Variants in TPTE observed in about 807,000 individuals in gnomAD.
TPTE encodes putative tyrosine-protein phosphatase TPTE.
A neutral mutation model predicts 84.1 loss-of-function variants in TPTE; 59 were observed. That is an observed-to-expected ratio of 0.70 (90% CI 0.57 to 0.87). The LOEUF is 0.87. Ranked by LOEUF, TPTE falls within the 40% of genes least tolerant of loss-of-function variation. TPTE has a pLI of 0.00. For missense variants in TPTE, 382 were observed against 659.6 expected (o/e 0.58, Z 4.61); for synonymous variants, 130 against 223.5 (o/e 0.58, Z 3.73).
At chr21:10,559,933 C>CT (rs1555889579) in intron 9 of TPTE, among the ~76,000 whole-genome samples, 2 of 150,748 alleles carry the variant, frequency 1.3e-5, no homozygotes, top group Non-Finnish European at 3.0e-5. Flanking sequence ...TCTATATATA[C>CT]ATATATATAT....
At chr21:10,560,484 G>C (rs1052331774) in intron 9 of TPTE, among the ~76,000 whole-genome samples, 2 of 152,306 alleles carry the variant, frequency 1.3e-5, no homozygotes, top group Non-Finnish European at 2.9e-5. Context: ...AGGTACTTTA[G>C]AGTTCAAGAC....
chr21:10,590,604 T>C (rs1326576783), intron 18 of TPTE, 81 bp downstream of exon 18: 13 of 1,597,858 alleles, frequency 8.1e-6, no homozygotes, highest in Non-Finnish European at 1.1e-5. Context: ...GACATTAAGA[T>C]GATTATTTTA....
At chr21:10,603,337 A>G (rs1189091908) in intron 22 of TPTE, among the ~76,000 whole-genome samples, 3 of 152,426 alleles carry the variant, frequency 2.0e-5, no homozygotes, top group East Asian at 3.9e-4. Context: ...GAAAAATACT[A>G]TTCCTTGAAA....
intron 8 of TPTE, among the ~76,000 whole-genome samples, 159 bp downstream of exon 8, chr21:10,552,875 C>A (rs2074605367): frequency 6.6e-6 from 1 of 152,294 alleles, no homozygotes; most frequent in Admixed American, 6.5e-5. Context: ...CAGTTGAATT[C>A]TTAGACAAGT....
chr21:10,588,496 G>A (rs1651432289), intron 17 of TPTE, among the ~76,000 whole-genome samples: 1 of 152,312 alleles, frequency 6.6e-6, no homozygotes. Context: ...CCTTGGTAAT[G>A]TTCATTTTTT....
chr21:10,556,141 C>A (rs1313799942), intron 8 of TPTE, among the ~76,000 whole-genome samples: 1 of 152,308 alleles, frequency 6.6e-6, no homozygotes, highest in Non-Finnish European at 1.5e-5. Context: ...GTGCTGTACC[C>A]ATTAATTCAT....
chr21:10,530,611 G>A (rs1349611581), intron 3 of TPTE, among the ~76,000 whole-genome samples: 1 of 152,304 alleles, frequency 6.6e-6, no homozygotes, highest in African/African-American at 2.4e-5. Context: ...TTCACAAAGA[G>A]TGCCGCTAAA....
intron 7 of TPTE, among the ~76,000 whole-genome samples, chr21:10,547,853 C>T (rs2074497477): frequency 6.6e-6 from 1 of 152,308 alleles, no homozygotes; most frequent in African/African-American, 2.4e-5. Context: ...GAGGAATAAT[C>T]TGCAGTCCCA....
intron 17 of TPTE, among the ~76,000 whole-genome samples, chr21:10,588,447 T>A (rs1568757925): frequency 6.6e-6 from 1 of 152,312 alleles, no homozygotes; most frequent in Admixed American, 6.5e-5. Flanking sequence ...TTAGGGCTTT[T>A]TCTTTGACAG....
At chr21:10,598,591 G>A (rs865991943) in intron 21 of TPTE, among the ~76,000 whole-genome samples, 9 of 152,294 alleles carry the variant, frequency 5.9e-5, no homozygotes, top group Admixed American at 1.3e-4. Flanking sequence ...ACTTAGCAAT[G>A]TCCCAAGTGA....
intron 3 of TPTE, among the ~76,000 whole-genome samples, chr21:10,536,743 A>G (rs1281288083): frequency 1.3e-5 from 2 of 152,312 alleles, no homozygotes; most frequent in African/African-American, 2.4e-5. Flanking sequence ...TTTTGATTAA[A>G]TTGGATAAAA....
intron 3 of TPTE, among the ~76,000 whole-genome samples, chr21:10,527,750 G>T (rs1018313974): frequency 6.6e-6 from 1 of 152,308 alleles, no homozygotes; most frequent in Non-Finnish European, 1.5e-5. Context: ...AAGAGACCCT[G>T]TATCTGTCCC....
At chr21:10,523,143 A>G (rs1417521355) in intron 1 of TPTE, among the ~76,000 whole-genome samples, 1 of 152,308 alleles carries the variant, frequency 6.6e-6, no homozygotes, top group African/African-American at 2.4e-5. Context: ...CATCAGAGTA[A>G]ATAATAATCC....
At chr21:10,527,118 C>T (rs78781955) in intron 2 of TPTE, among the ~76,000 whole-genome samples, 1 of 152,260 alleles carries the variant, frequency 6.6e-6, no homozygotes. Flanking sequence ...CATTTTCTTT[C>T]TTTTTTCTGT....
intron 14 of TPTE, among the ~76,000 whole-genome samples, chr21:10,573,812 G>A (rs2075094480): frequency 6.6e-6 from 1 of 152,312 alleles, no homozygotes; most frequent in Admixed American, 6.5e-5. Flanking sequence ...TCATTCTCCA[G>A]TAGGCTACTT....
intron 2 of TPTE, among the ~76,000 whole-genome samples, chr21:10,525,777 T>A (rs2074067269): frequency 6.6e-6 from 1 of 152,430 alleles, no homozygotes; most frequent in African/African-American, 2.4e-5. Flanking sequence ...GAAGTCATTC[T>A]GTGCCCCAAA....
At chr21:10,556,435 T>C (rs1014121774) in intron 8 of TPTE, among the ~76,000 whole-genome samples, 22 of 152,426 alleles carry the variant, frequency 1.4e-4, no homozygotes, top group Non-Finnish European at 2.5e-4. Flanking sequence ...CTTCATCCAG[T>C]CTATCATTGT....
intron 14 of TPTE, among the ~76,000 whole-genome samples, chr21:10,572,742 AG>A (rs2075071304): frequency 6.6e-6 from 1 of 152,304 alleles, no homozygotes; most frequent in African/African-American, 2.4e-5. Context: ...TGACCTTACA[AG>A]GACTGCTTTA....
intron 7 of TPTE, among the ~76,000 whole-genome samples, chr21:10,547,235 G>C (rs1193843467): frequency 6.6e-6 from 1 of 151,862 alleles, no homozygotes; most frequent in African/African-American, 2.4e-5. Flanking sequence ...AGAAAGAACC[G>C]AGGCAAGAAA....
Sources: allele counts gnomAD v4.1 joint callset (sites outside exome capture counted in the v4.1 genomes callset), GRCh38; gene constraint gnomAD v4.1.1; transcripts MANE v1.5; gene names NCBI Gene and HGNC (gene_info 2026-07-23, HGNC 2026-07-21).